GRB14: variants seen among roughly 807,000 people sequenced by gnomAD.
The protein encoded by GRB14 is growth factor receptor-bound protein 14.
GRB14 carries 38 observed loss-of-function variants against 69.1 expected under a neutral mutation model. The ratio of observed to expected loss-of-function variants is 0.55; its 90% confidence interval spans 0.42 to 0.72. The LOEUF (loss-of-function observed/expected upper bound fraction) is 0.72. Ranked by LOEUF, GRB14 falls within the 30% of genes least tolerant of loss-of-function variation. GRB14 has a pLI of 0.00. For synonymous variants in GRB14, 247 were observed against 241.3 expected (o/e 1.02, Z -0.22); for missense variants, 666 against 666.1 (o/e 1.00, Z 0.00).
intron 2 of GRB14, among the ~76,000 whole-genome samples, chr2:164,587,329 G>C (rs1412123377): frequency 6.6e-6 from 1 of 152,166 alleles, no homozygotes; most frequent in Non-Finnish European, 1.5e-5. Flanking sequence ...CTTAAATACA[G>C]AGCCCCTCAG....
At chr2:164,498,840 G>A (rs1039761020) in intron 9 of GRB14, among the ~76,000 whole-genome samples, 1 of 152,144 alleles carries the variant, frequency 6.6e-6, no homozygotes, top group Non-Finnish European at 1.5e-5. Context: ...TTCAAACTAT[G>A]CTGTAGTGGC....
In GRB14 at chr2:164,586,493, T is replaced by C. The variant is rs75139714; in HGVS notation, c.324+33194A>G. Among the ~76,000 whole-genome samples the C allele has an allele frequency of 2.4e-3, 363 of 152,324 alleles. 1 individual carries two copies. The highest frequency in any genetic ancestry group is 4.1e-3 in the Non-Finnish European group (279 of 68,030). On this transcript the variant is annotated intron_variant, in intron 2 of 13. Transcript: ENST00000263915. The stretch of plus-strand genomic sequence containing the variant: ...CCCCCTGTTGTCTTTTATAGACTTC[T>C]ACCTTAAAACAAACTCCAAGAGTTT...
At chr2:164,574,583 C>T (rs1338623081) in intron 2 of GRB14, among the ~76,000 whole-genome samples, 15 of 151,988 alleles carry the variant, frequency 9.9e-5, no homozygotes, top group African/African-American at 3.6e-4. Context: ...AAATGAAATC[C>T]GCACAGAAGA....
chr2:164,525,383 G>A (rs958050801), intron 4 of GRB14, among the ~76,000 whole-genome samples: 1 of 152,010 alleles, frequency 6.6e-6, no homozygotes, highest in Non-Finnish European at 1.5e-5. Context: ...TTATTCCTGA[G>A]TCCCGCAACC....
At chr2:164,560,261 C>T (rs1297930492) in intron 2 of GRB14, among the ~76,000 whole-genome samples, 7 of 152,168 alleles carry the variant, frequency 4.6e-5, no homozygotes, top group Admixed American at 6.5e-5. Context: ...TAGATGTATA[C>T]ATACATATAT....
intron 2 of GRB14, among the ~76,000 whole-genome samples, chr2:164,615,026 T>C (rs1690254487): frequency 6.6e-6 from 1 of 152,170 alleles, no homozygotes; most frequent in African/African-American, 2.4e-5. Flanking sequence ...AAAGGCTTAA[T>C]TTAATAAAGA....
chr2:164,553,577 C>A (rs1456811833), intron 2 of GRB14, among the ~76,000 whole-genome samples: 1 of 152,164 alleles, frequency 6.6e-6, no homozygotes, highest in Non-Finnish European at 1.5e-5. Context: ...TCTGTCATCT[C>A]TTAGATATAG....
At chr2:164,576,147 T>C (rs1433340342) in intron 2 of GRB14, among the ~76,000 whole-genome samples, 2 of 151,502 alleles carry the variant, frequency 1.3e-5, no homozygotes, top group Non-Finnish European at 3.0e-5. Context: ...ACAGTAAAAA[T>C]AAAATGATTA....
At chr2:164,498,171 T>C (rs1046533623) in intron 9 of GRB14, among the ~76,000 whole-genome samples, 1 of 152,250 alleles carries the variant, frequency 6.6e-6, no homozygotes, top group African/African-American at 2.4e-5. Context: ...TTCCATGATT[T>C]AACATATGAA....
chr2:164,540,815 T>C (rs1396132696), intron 3 of GRB14, among the ~76,000 whole-genome samples: 4 of 152,150 alleles, frequency 2.6e-5, no homozygotes, highest in Non-Finnish European at 4.4e-5. Context: ...ATCCCCAGAA[T>C]CTACAGCAAA....
At position 164,552,031 on chromosome 2, in the gene GRB14, G is replaced by A. The variant is rs190938732; in HGVS notation, c.325-4215C>T. Among the ~76,000 whole-genome samples, 6 of 152,300 alleles carry A rather than the reference G, an allele frequency of 3.9e-5. No homozygotes were observed. In the East Asian group the frequency reaches 9.7e-4, roughly 25 times the overall value. The stretch of plus-strand genomic sequence containing the variant: ...CACATGGCAAGAGAGAAAGCAAGAG[G>A]GAGGGGAGGGCGGTGTAAGATGCTT... On this transcript the variant is annotated intron_variant, in intron 2 of 13. Transcript: ENST00000263915.
intron 2 of GRB14, among the ~76,000 whole-genome samples, chr2:164,563,061 C>T (rs1464871271): frequency 1.3e-5 from 2 of 151,990 alleles, no homozygotes; most frequent in Admixed American, 6.6e-5. Context: ...GTAACAATGC[C>T]CACTACCACT....
intron 8 of GRB14, among the ~76,000 whole-genome samples, chr2:164,505,119 A>C (rs571260969): frequency 5.9e-5 from 9 of 152,290 alleles, no homozygotes; most frequent in Non-Finnish European, 1.2e-4. Context: ...AAGAACAATA[A>C]ATTTATGTTG....
chr2:164,618,102 G>A (rs1690349842), intron 2 of GRB14, among the ~76,000 whole-genome samples: 1 of 151,970 alleles, frequency 6.6e-6, no homozygotes, highest in African/African-American at 2.4e-5. Flanking sequence ...GAGTAGCTGG[G>A]ACTACAGGTG....
chr2:164,527,206 TATATATATATATATAC>T (rs1687801824), intron 3 of GRB14, 71 bp from the exon 4 acceptor site: 23 of 204,266 alleles, frequency 1.1e-4, no homozygotes, highest in Non-Finnish European at 1.4e-4. Context: ...TATATATATA[TATATATATATATATAC>T]ACACACAGAC....
intron 8 of GRB14, among the ~76,000 whole-genome samples, chr2:164,503,754 A>G (rs917109203): frequency 3.3e-5 from 5 of 152,310 alleles, no homozygotes; most frequent in African/African-American, 1.2e-4. Context: ...TCAAACCAAC[A>G]CTTTCACAAG....
intron 2 of GRB14, among the ~76,000 whole-genome samples, chr2:164,605,462 T>C (rs1277467074): frequency 6.6e-6 from 1 of 152,112 alleles, no homozygotes; most frequent in Non-Finnish European, 1.5e-5. Context: ...TAGCCTAGAC[T>C]TACATGCACA....
intron 3 of GRB14, among the ~76,000 whole-genome samples, chr2:164,546,429 C>T (rs1688376442): frequency 6.6e-6 from 1 of 152,186 alleles, no homozygotes; most frequent in Non-Finnish European, 1.5e-5. Context: ...GCTTCACTCT[C>T]CCCAACAGAA....
At chr2:164,515,275 C>T (rs1687451076) in intron 6 of GRB14, among the ~76,000 whole-genome samples, 1 of 152,168 alleles carries the variant, frequency 6.6e-6, no homozygotes, top group Admixed American at 6.5e-5. Context: ...GCACAATAAA[C>T]AAAACTACAA....
Sources: allele counts gnomAD v4.1 joint callset (sites outside exome capture counted in the v4.1 genomes callset), GRCh38; gene constraint gnomAD v4.1.1; transcripts MANE v1.5; gene names NCBI Gene and HGNC (gene_info 2026-07-23, HGNC 2026-07-21).